The following ADAM23 variants were observed in gnomAD, a reference collection of about 807,000 sequenced individuals.
The protein encoded by ADAM23 is disintegrin and metalloproteinase domain-containing protein 23.
A neutral mutation model predicts 120.1 loss-of-function variants in ADAM23; 33 were observed. The ratio of observed to expected loss-of-function variants is 0.27; its 90% confidence interval spans 0.21 to 0.37. The LOEUF (loss-of-function observed/expected upper bound fraction) is 0.37, where lower values mean the gene tolerates loss of function less well. ADAM23 is among the 10% of genes least tolerant of loss of function. The pLI is 1.00. For synonymous variants in ADAM23, 367 were observed against 375.2 expected, an observed-to-expected ratio of 0.98 and a Z score of 0.25; for missense variants, 862 against 1,058.2, an observed-to-expected ratio of 0.81 and a Z score of 2.57.
At chr2:206,445,032 G>A (rs1695050616) in intron 1 of ADAM23, among the ~76,000 whole-genome samples, 2 of 149,098 alleles carry the variant, frequency 1.3e-5, no homozygotes, top group Admixed American at 1.4e-4. Context: ...ATAGATTTGA[G>A]TCTGACTAGA....
intron 2 of ADAM23, among the ~76,000 whole-genome samples, chr2:206,449,338 G>A (rs1007486880): frequency 2.0e-5 from 3 of 152,192 alleles, no homozygotes; most frequent in African/African-American, 7.2e-5. Context: ...AACCATTAAT[G>A]CAATATATTA....
chr2:206,546,524 A>C (rs1333897556), intron 6 of ADAM23, among the ~76,000 whole-genome samples: 1 of 152,156 alleles, frequency 6.6e-6, no homozygotes, highest in Non-Finnish European at 1.5e-5. Flanking sequence ...TGATTATAAA[A>C]CTAATATAGG....
At chr2:206,595,754 AT>A (rs1698512134) in intron 23 of ADAM23, among the ~76,000 whole-genome samples, 1 of 152,204 alleles carries the variant, frequency 6.6e-6, no homozygotes, top group Admixed American at 6.5e-5. Flanking sequence ...TCATGATTCA[AT>A]TTAATTTAAG....
At position 206,617,620 on chromosome 2, in the gene ADAM23, C is replaced by G; in HGVS notation, c.2492C>G (p.Pro831Arg). 2.5e-6 allele frequency: 4 copies of G among 1,613,094 alleles called. No individual in the cohort carries two copies. The highest frequency in any genetic ancestry group is 2.5e-6 in the Non-Finnish European group (3 of 1,179,518). The change falls in exon 26 of 26, where the codon CCC becomes CGC. Residue 831 changes from proline (P) to arginine (R), a missense_variant. Around this residue, in one of 4 missense-constraint regions of ADAM23, gnomAD observed 16 missense variants for 17.6 expected, o/e 0.91. Coordinates refer to ENST00000264377, the MANE Select transcript of ADAM23 (RefSeq NM_003812.4). The stretch of plus-strand genomic sequence containing the variant: ...AGGTTCGATCCTACTCAGCAAGGCC[C>G]CATCTGAATCAGCTGCGCTGGATGG... The part of the protein sequence containing the change: ...KRRFDPTQQG[P>R]I
Position 206,594,912 on chromosome 2 carries a change from A to T in ADAM23, c.2247+7A>T, listed in dbSNP as rs1324327220. ...AGTCTGTTCGGGCCATGGGGTAAGTAGGTATCAATGTGACAGCTGGAACCT... is the reference window on the plus strand; with the variant it reads ...AGTCTGTTCGGGCCATGGGGTAAGTTGGTATCAATGTGACAGCTGGAACCT... On this transcript the variant is annotated splice_region_variant and intron_variant, in intron 23 of 25. Coordinates refer to ENST00000264377, the MANE Select transcript of ADAM23 (RefSeq NM_003812.4). 1.9e-6 allele frequency: 3 copies of T among 1,613,938 alleles called. No individual in the cohort carries two copies. The highest frequency in any genetic ancestry group is 2.7e-5 in the African/African-American group (2 of 74,928).
At chr2:206,531,893 G>A (rs1697072507) in intron 4 of ADAM23, among the ~76,000 whole-genome samples, 1 of 152,206 alleles carries the variant, frequency 6.6e-6, no homozygotes, top group African/African-American at 2.4e-5. Context: ...CTCAGCAAAT[G>A]TTTATAGGTG....
chr2:206,582,504 C>G (rs1698239278), intron 18 of ADAM23, among the ~76,000 whole-genome samples: 1 of 152,130 alleles, frequency 6.6e-6, no homozygotes, highest in South Asian at 2.1e-4. Flanking sequence ...GCTTCTGTAT[C>G]TTTTAAGTGG....
chr2:206,548,166 T>G, intron 7 of ADAM23, 115 bp from the exon 8 acceptor site: 1 of 899,140 alleles, frequency 1.1e-6, no homozygotes, highest in Non-Finnish European at 1.7e-6. Context: ...GTGTGCTTTT[T>G]TTCACCTTAG....
chr2:206,616,384 C>T (rs1353305119), intron 25 of ADAM23, among the ~76,000 whole-genome samples: 2 of 152,134 alleles, frequency 1.3e-5, no homozygotes, highest in East Asian at 3.9e-4. Context: ...ACCTGCTAGG[C>T]CAATGAGTCA....
At chr2:206,530,252 C>A (rs1199911836) in intron 3 of ADAM23, among the ~76,000 whole-genome samples, 3 of 152,168 alleles carry the variant, frequency 2.0e-5, no homozygotes, top group Non-Finnish European at 2.9e-5. Flanking sequence ...ACATACTGCC[C>A]GTGGCTGCTT....
chr2:206,571,851 T>G, intron 17 of ADAM23, 35 bp downstream of exon 17: 2 of 1,567,196 alleles, frequency 1.3e-6, no homozygotes, highest in Non-Finnish European at 1.8e-6. Flanking sequence ...TTCTTTTAAT[T>G]GACAGATTAG....
intron 21 of ADAM23, among the ~76,000 whole-genome samples, chr2:206,590,124 G>C (rs1001516390): frequency 6.6e-6 from 1 of 151,318 alleles, no homozygotes; most frequent in Non-Finnish European, 1.5e-5. Context: ...TCGAGACTGA[G>C]TCTCGCTTTA....
chr2:206,613,279 G>A (rs559830174), intron 25 of ADAM23, among the ~76,000 whole-genome samples: 2 of 152,198 alleles, frequency 1.3e-5, no homozygotes, highest in South Asian at 4.2e-4. Context: ...GGCAGGTCTG[G>A]AACTTCCAAC....
intron 4 of ADAM23, among the ~76,000 whole-genome samples, chr2:206,539,768 A>G (rs1206229613): frequency 1.3e-5 from 2 of 152,200 alleles, no homozygotes; most frequent in Admixed American, 6.5e-5. Flanking sequence ...AGATAACTCA[A>G]GATCTTACTT....
At chr2:206,583,875 T>C (rs1432962455) in intron 18 of ADAM23, among the ~76,000 whole-genome samples, 2 of 152,190 alleles carry the variant, frequency 1.3e-5, no homozygotes, top group Non-Finnish European at 2.9e-5. Context: ...GAATTTCTTC[T>C]TGGTTTGGAT....
At chr2:206,451,796 A>G (rs1695200974) in intron 2 of ADAM23, among the ~76,000 whole-genome samples, 1 of 152,168 alleles carries the variant, frequency 6.6e-6, no homozygotes, top group South Asian at 2.1e-4. Flanking sequence ...TGAAGACACA[A>G]GGGGGTCTGG....
In ADAM23 at chr2:206,617,827, C is replaced by A; in HGVS notation, c.*200C>A. ...TAATGTCAAAGAACACCTTTCACCA[C>A]CTGTCAGTAAACGGGGGAGGGGGCA... is the stretch of plus-strand genomic sequence containing the variant. On this transcript the variant is annotated 3_prime_UTR_variant, in exon 26 of 26. Transcript: ENST00000264377. 8.6e-7 allele frequency: 1 copy of A among 1,167,700 alleles called. No homozygotes were observed. Among genetic ancestry groups the A allele is most frequent in the Non-Finnish European group, 1.1e-6 (1 of 889,238 alleles). The allele number at this position is 1,167,700 out of a possible 1,614,324, so 72.3% of individuals were successfully genotyped here.
At chr2:206,556,177 G>T (rs749010372) in intron 9 of ADAM23, among the ~76,000 whole-genome samples, 1 of 151,990 alleles carries the variant, frequency 6.6e-6, no homozygotes, top group South Asian at 2.1e-4. Context: ...ATGTATTCAT[G>T]AATACTATAA....
intron 3 of ADAM23, among the ~76,000 whole-genome samples, chr2:206,507,319 A>G (rs1481320657): frequency 6.6e-6 from 1 of 152,100 alleles, no homozygotes; most frequent in Admixed American, 6.6e-5. Flanking sequence ...CTTCTCATGC[A>G]TGGGTTAGCA....
Sources: gnomAD v4.1 joint callset for allele counts (sites outside exome capture counted in the v4.1 genomes callset) on GRCh38, gnomAD v4.1.1 for gene constraint, gnomAD v4.1.1 regional missense constraint, MANE v1.5 for transcripts, NCBI Gene and HGNC (gene_info 2026-07-23, HGNC 2026-07-21) for gene names.